The following FHIT variants were observed in gnomAD, a reference collection of about 807,000 sequenced individuals.
FHIT encodes fragile histidine triad diadenosine triphosphatase.
A neutral mutation model predicts 17.9 loss-of-function variants in FHIT; 19 were observed. That is an observed-to-expected ratio of 1.06 (90% CI 0.74 to 1.56). The LOEUF is 1.56. Ranked by LOEUF, FHIT falls within the 40% of genes most tolerant of loss-of-function variation. The probability of loss-of-function intolerance (pLI) is 0.00; values close to 1 mark genes in which losing one functional copy is unlikely to be tolerated. For synonymous variants in FHIT, 81 were observed against 69.7 expected (o/e 1.16, Z -0.81); for missense variants, 248 against 189.2 (o/e 1.31, Z -1.82).
At chr3:61,086,972 T>A (rs1211096720) in intron 2 of FHIT, among the ~76,000 whole-genome samples, 1 of 152,150 alleles carries the variant, frequency 6.6e-6, no homozygotes, top group Non-Finnish European at 1.5e-5. Flanking sequence ...ATGTATCTAC[T>A]TTCTGTTCTT....
At chr3:60,527,801 C>T (rs1276760799) in intron 5 of FHIT, among the ~76,000 whole-genome samples, 3 of 152,172 alleles carry the variant, frequency 2.0e-5, no homozygotes, top group African/African-American at 7.2e-5. Context: ...TCAGGACACC[C>T]ACCCCACCGT....
At chr3:60,551,042 T>C (rs1468253888) in intron 4 of FHIT, among the ~76,000 whole-genome samples, 2 of 152,114 alleles carry the variant, frequency 1.3e-5, no homozygotes, top group Admixed American at 1.3e-4. Context: ...AAGTCCACTG[T>C]ATGTGACTAT....
intron 5 of FHIT, among the ~76,000 whole-genome samples, chr3:60,459,573 A>G (rs1057422150): frequency 3.3e-5 from 5 of 152,330 alleles, no homozygotes; most frequent in African/African-American, 1.2e-4. Context: ...TAAGCTGCCA[A>G]AAAGCATGGC....
At chr3:60,390,429 C>CA (rs138051258) in intron 5 of FHIT, among the ~76,000 whole-genome samples, 1 of 11,248 alleles carries the variant, frequency 8.9e-5, no homozygotes, top group African/African-American at 1.2e-4. Context: ...AAAAAAAAAA[C>CA]CCGTACCCTC....
chr3:60,823,229 G>C (rs1404026234), intron 3 of FHIT, among the ~76,000 whole-genome samples: 1 of 152,130 alleles, frequency 6.6e-6, no homozygotes, highest in African/African-American at 2.4e-5. Flanking sequence ...TGGTTAAATA[G>C]TTCTAAGGAC....
intron 4 of FHIT, among the ~76,000 whole-genome samples, chr3:60,736,046 T>C (rs1468298546): frequency 1.4e-5 from 2 of 144,788 alleles, no homozygotes; most frequent in African/African-American, 5.8e-5. Context: ...ATGAAAAAAC[T>C]GTTGAACATC....
At chr3:60,139,383 T>TA (rs2107293671) in intron 5 of FHIT, among the ~76,000 whole-genome samples, 1 of 12,178 alleles carries the variant, frequency 8.2e-5, no homozygotes, top group East Asian at 2.4e-3. Context: ...ACCAGAGAAC[T>TA]AAAAAGGGTT....
At position 60,789,171 on chromosome 3, in the gene FHIT, T is replaced by G. The variant is rs1437834051; in HGVS notation, c.-18+32748A>C. ...GTGTGTGTGTGTATATATATATATA[T>G]ATATAGAGAGAGAGAGAGAGAGAGA... is the stretch of plus-strand genomic sequence containing the variant. On this transcript the variant is annotated intron_variant, in intron 4 of 9. Coordinates refer to ENST00000492590, the MANE Select transcript of FHIT (RefSeq NM_002012.4). Among the ~76,000 whole-genome samples, 310 of 130,130 alleles carry G rather than the reference T, an allele frequency of 2.4e-3. 1 individual carries two copies. Among genetic ancestry groups the G allele is most frequent in the African/African-American group, 6.1e-3 (196 of 32,138 alleles). 85.4% of individuals were successfully genotyped at this position (130,130 alleles called of 152,430 possible).
intron 5 of FHIT, among the ~76,000 whole-genome samples, chr3:60,267,994 A>T (rs746419927): frequency 3.3e-5 from 5 of 152,174 alleles, no homozygotes; most frequent in African/African-American, 2.4e-5. Flanking sequence ...TCGTGCAATC[A>T]CTAACCAGGA....
At chr3:59,923,262 G>T (rs2107196104) in intron 7 of FHIT, among the ~76,000 whole-genome samples, 1 of 146,390 alleles carries the variant, frequency 6.8e-6, no homozygotes, top group African/African-American at 2.5e-5. Flanking sequence ...ATCCCGTGAG[G>T]CAAGGTCTAC....
At chr3:60,495,932 T>C (rs931755652) in intron 5 of FHIT, among the ~76,000 whole-genome samples, 1 of 152,192 alleles carries the variant, frequency 6.6e-6, no homozygotes, top group African/African-American at 2.4e-5. Context: ...GGGGAAAGAA[T>C]AGAATGGAAC....
intron 5 of FHIT, among the ~76,000 whole-genome samples, chr3:60,487,843 A>C (rs1576745102): frequency 6.6e-6 from 1 of 152,188 alleles, no homozygotes; most frequent in Non-Finnish European, 1.5e-5. Flanking sequence ...CGTCTATCCT[A>C]TTCTGTTATC....
chr3:60,979,077 G>A (rs1234349409), intron 3 of FHIT, among the ~76,000 whole-genome samples: 1 of 152,162 alleles, frequency 6.6e-6, no homozygotes, highest in African/African-American at 2.4e-5. Context: ...ATCAAATGAT[G>A]AAAATACATC....
At chr3:60,478,188 G>C (rs992822329) in intron 5 of FHIT, among the ~76,000 whole-genome samples, 1 of 152,264 alleles carries the variant, frequency 6.6e-6, no homozygotes, top group Non-Finnish European at 1.5e-5. Flanking sequence ...GTAACCTTAT[G>C]CATCCCACTT....
chr3:60,911,042 A>C (rs2107269678), intron 3 of FHIT, among the ~76,000 whole-genome samples: 2 of 152,320 alleles, frequency 1.3e-5, no homozygotes, highest in Middle Eastern at 6.8e-3. Flanking sequence ...AAAAAATGAG[A>C]ACCAATGCTG....
At chr3:59,762,783 T>C (rs475675) in intron 8 of FHIT, among the ~76,000 whole-genome samples, 6,838 of 151,252 alleles carry the variant, frequency 0.045, 334 homozygotes, top group African/African-American at 0.13. Context: ...TAATCGCTGA[T>C]CACCAACACC....
intron 3 of FHIT, among the ~76,000 whole-genome samples, chr3:60,879,202 T>C (rs1418655159): frequency 6.6e-6 from 1 of 152,162 alleles, no homozygotes; most frequent in Non-Finnish European, 1.5e-5. Flanking sequence ...TAAGATGGTA[T>C]CTCATTGTGG....
At position 60,251,937 on chromosome 3, in the gene FHIT, C is replaced by CA. The variant is rs148777280; in HGVS notation, c.104-237786dup. 1.9e-3 allele frequency among the ~76,000 whole-genome samples: 288 copies of CA among 152,256 alleles called. 1 individual carries two copies. Among genetic ancestry groups the CA allele is most frequent in the Non-Finnish European group, 3.1e-3 (209 of 68,020 alleles). Reference sequence around the variant, plus strand: ...TGTTTCACAGTTTATGAAGACCTTCCAATGCACTTCCAGAATGGCCAAAAT... The same window carrying CA: ...TGTTTCACAGTTTATGAAGACCTTCCAAATGCACTTCCAGAATGGCCAAAAT... On this transcript the variant is annotated intron_variant, in intron 5 of 9. Transcript: ENST00000492590.
chr3:59,752,187 G>T, intron 9 of FHIT, 34 bp downstream of exon 9: 1 of 1,477,024 alleles, frequency 6.8e-7, no homozygotes. Context: ...AGGCCCACGG[G>T]AGGGTCTGGG....
Sources: allele counts gnomAD v4.1 joint callset (sites outside exome capture counted in the v4.1 genomes callset), GRCh38; gene constraint gnomAD v4.1.1; transcripts MANE v1.5; gene names NCBI Gene and HGNC (gene_info 2026-07-23, HGNC 2026-07-21).